Variants in RNLS observed in about 807,000 individuals in gnomAD.
The protein encoded by RNLS is renalase.
RNLS carries 39 observed loss-of-function variants against 39.8 expected under a neutral mutation model. The ratio of observed to expected loss-of-function variants is 0.98; its 90% confidence interval spans 0.76 to 1.28. RNLS has a LOEUF of 1.28. Among genes scored for constraint, RNLS ranks in the 50% most tolerant of loss-of-function variants. The probability of loss-of-function intolerance (pLI) is 0.00; values close to 1 mark genes in which losing one functional copy is unlikely to be tolerated. For missense variants in RNLS, 410 were observed against 413.3 expected (o/e 0.99, Z 0.07); for synonymous variants, 147 against 150.7 (o/e 0.98, Z 0.18).
At chr10:88,553,374 G>T (rs1392738205) in intron 4 of RNLS, among the ~76,000 whole-genome samples, 1 of 152,158 alleles carries the variant, frequency 6.6e-6, no homozygotes, top group Non-Finnish European at 1.5e-5. Context: ...CTGTTCATCT[G>T]TGTGTCCTGC....
intron 4 of RNLS, among the ~76,000 whole-genome samples, chr10:88,559,662 C>CTCACTCAT (rs71471108): frequency 6.6e-6 from 1 of 151,070 alleles, no homozygotes; most frequent in East Asian, 1.9e-4. Context: ...GATTGTTTCA[C>CTCACTCAT]TCATTCATTC....
intron 4 of RNLS, among the ~76,000 whole-genome samples, chr10:88,391,029 ATTG>A (rs552979520): frequency 8.9e-4 from 135 of 152,322 alleles, no homozygotes; most frequent in Admixed American, 3.5e-3. Flanking sequence ...CTTACTGAGA[ATTG>A]TTAATCATTT....
the RNLS span, among the ~76,000 whole-genome samples, chr10:88,200,314 T>C: frequency 6.6e-6 from 1 of 152,220 alleles, no homozygotes; most frequent in Non-Finnish European, 1.5e-5. Flanking sequence ...ATCACATGCT[T>C]ACTGCACACT....
intron 5 of RNLS, among the ~76,000 whole-genome samples, chr10:88,316,279 T>C (rs1248119325): frequency 3.3e-5 from 5 of 152,238 alleles, no homozygotes; most frequent in Admixed American, 2.6e-4. Context: ...AACCTGTCAG[T>C]GAAGACTTTA....
intron 4 of RNLS, among the ~76,000 whole-genome samples, chr10:88,565,524 A>C (rs574677277): frequency 7.9e-5 from 12 of 152,304 alleles, no homozygotes; most frequent in African/African-American, 2.6e-4. Context: ...TGAATTAAAC[A>C]CAAAATGATT....
intron 4 of RNLS, among the ~76,000 whole-genome samples, chr10:88,473,185 G>A (rs1340746711): frequency 3.3e-5 from 5 of 152,230 alleles, no homozygotes; most frequent in Non-Finnish European, 5.9e-5. Flanking sequence ...TAAAAATATC[G>A]TAGGATAATC....
intron 4 of RNLS, among the ~76,000 whole-genome samples, chr10:88,519,668 T>C (rs1298009912): frequency 6.6e-6 from 1 of 150,554 alleles, no homozygotes; most frequent in Admixed American, 6.6e-5. Flanking sequence ...ATGTGTGCTC[T>C]TGAATAAGCA....
the RNLS span, among the ~76,000 whole-genome samples, chr10:88,205,939 A>T: frequency 6.6e-6 from 1 of 152,172 alleles, no homozygotes; most frequent in African/African-American, 2.4e-5. Context: ...TCTTGTTGCA[A>T]TGACCAACAG....
At chr10:88,452,881 G>A (rs989339525) in intron 4 of RNLS, among the ~76,000 whole-genome samples, 25 of 152,128 alleles carry the variant, frequency 1.6e-4, no homozygotes, top group Non-Finnish European at 7.4e-5. Flanking sequence ...GCTCAATTTT[G>A]ATGATAAAAA....
At chr10:88,301,062 T>G (rs1011027960) in intron 6 of RNLS, among the ~76,000 whole-genome samples, 2 of 152,174 alleles carry the variant, frequency 1.3e-5, no homozygotes, top group African/African-American at 2.4e-5. Context: ...TATAAAGTAT[T>G]TGCTGGTCAA....
At chr10:88,564,914 C>T (rs1358206306) in intron 4 of RNLS, among the ~76,000 whole-genome samples, 3 of 151,992 alleles carry the variant, frequency 2.0e-5, no homozygotes, top group South Asian at 4.2e-4. Flanking sequence ...AAATCCAGAC[C>T]ACTCTATAAT....
At chr10:88,515,227 T>C (rs1245366253) in intron 4 of RNLS, among the ~76,000 whole-genome samples, 1 of 152,090 alleles carries the variant, frequency 6.6e-6, no homozygotes, top group East Asian at 1.9e-4. Context: ...TAATATGACT[T>C]ATTTTTCCAA....
intron 4 of RNLS, among the ~76,000 whole-genome samples, chr10:88,522,934 A>G (rs112833874): frequency 9.9e-5 from 15 of 152,264 alleles, no homozygotes; most frequent in African/African-American, 3.4e-4. Context: ...TTTTTCCCCA[A>G]AGAACTTCCT....
intron 5 of RNLS, among the ~76,000 whole-genome samples, chr10:88,318,943 T>C (rs1845971805): frequency 6.6e-6 from 1 of 152,184 alleles, no homozygotes; most frequent in African/African-American, 2.4e-5. Flanking sequence ...TCAATCTACC[T>C]GTGGGTGGGC....
chr10:88,554,911 C>A (rs758212229), intron 4 of RNLS, among the ~76,000 whole-genome samples: 11 of 152,162 alleles, frequency 7.2e-5, no homozygotes, highest in Non-Finnish European at 1.5e-4. Flanking sequence ...CATCTTCTAA[C>A]AGCCTAATTA....
intron 6 of RNLS, among the ~76,000 whole-genome samples, chr10:88,299,830 A>G (rs557992254): frequency 1.3e-5 from 2 of 152,336 alleles, no homozygotes; most frequent in South Asian, 4.1e-4. Flanking sequence ...TTTAAGAAAA[A>G]TGTTCAATAG....
At chr10:88,568,368 A>G (rs1849634274) in intron 4 of RNLS, among the ~76,000 whole-genome samples, 1 of 152,084 alleles carries the variant, frequency 6.6e-6, no homozygotes, top group Admixed American at 6.6e-5. Flanking sequence ...TTTTGAGGTG[A>G]TAAAAAATTC....
chr10:88,174,161 T>C, the RNLS span, among the ~76,000 whole-genome samples: 1 of 152,114 alleles, frequency 6.6e-6, no homozygotes, highest in Non-Finnish European at 1.5e-5. Flanking sequence ...GTCTTTAGAA[T>C]TTTTTTAATA....
chr10:88,248,946 C>T, the RNLS span, among the ~76,000 whole-genome samples: 4 of 152,208 alleles, frequency 2.6e-5, no homozygotes, highest in African/African-American at 4.8e-5. Context: ...AATGATATCT[C>T]TCCTTATCTG....
Sources: gnomAD v4.1 joint callset for allele counts (sites outside exome capture counted in the v4.1 genomes callset) on GRCh38, gnomAD v4.1.1 for gene constraint, MANE v1.5 for transcripts, NCBI Gene and HGNC (gene_info 2026-07-23, HGNC 2026-07-21) for gene names.